The following ZNF100 variants were observed in gnomAD, a reference collection of about 807,000 sequenced individuals.
The protein encoded by ZNF100 is zinc finger protein 100.
In ZNF100, 12 loss-of-function variants were observed where a neutral mutation model predicts 15.8. That is an observed-to-expected ratio of 0.76 (90% CI 0.49 to 1.23). The LOEUF is 1.23. ZNF100 is among the 50% of genes most tolerant of loss of function. The pLI, the probability that ZNF100 is intolerant of heterozygous loss-of-function variation, is 0.00. For synonymous variants in ZNF100, 226 were observed against 214.8 expected (o/e 1.05, Z -0.45); for missense variants, 670 against 635.6 (o/e 1.05, Z -0.58).
intron 2 of ZNF100, among the ~76,000 whole-genome samples, chr19:21,756,461 A>C (rs2036394673): frequency 6.6e-6 from 1 of 150,742 alleles, no homozygotes; most frequent in Non-Finnish European, 1.5e-5. Context: ...CCAAAAGCCA[A>C]ATCAAAAACA....
intron 4 of ZNF100, among the ~76,000 whole-genome samples, chr19:21,732,710 A>C (rs1025841256): frequency 6.6e-6 from 1 of 151,652 alleles, no homozygotes; most frequent in Non-Finnish European, 1.5e-5. Flanking sequence ...CAAGTAGATC[A>C]ATATATTCAT....
At chr19:21,745,349 T>C (rs1372950294) in intron 2 of ZNF100, among the ~76,000 whole-genome samples, 1 of 152,168 alleles carries the variant, frequency 6.6e-6, no homozygotes, top group Non-Finnish European at 1.5e-5. Context: ...CATTTTTGAG[T>C]GTTATTATTT....
rs758886174 is a variant in ZNF100, at chr19:21,726,707, G to C, written c.1605C>G (p.Tyr535Ter). Residue 535 changes from tyrosine to a stop codon, truncating the protein, a stop_gained, in exon 5 of 5, where the codon TAC becomes TAG. Coordinates refer to ENST00000358296, the MANE Select transcript of ZNF100 (RefSeq NM_173531.4). LOFTEE classifies it high-confidence loss of function. ...TTCACATTTGTAGGGTTTCTCTCCA[G>C]TATGAGTTATTTTGTTTAATAAGGC... is the stretch of plus-strand genomic sequence containing the variant. ...SLSLIKQNNS[Y>*]WRETLQM The C allele has an allele frequency of 8.7e-6, 14 of 1,609,378 alleles. 1 individual carries two copies. The highest frequency in any genetic ancestry group is 1.2e-5 in the Non-Finnish European group (14 of 1,178,168).
intron 4 of ZNF100, among the ~76,000 whole-genome samples, chr19:21,739,579 TAAG>T (rs1403678229): frequency 6.6e-6 from 1 of 152,126 alleles, no homozygotes; most frequent in African/African-American, 2.4e-5. Flanking sequence ...CAAATAAATT[TAAG>T]AAGACCAAAA....
chr19:21,732,193 T>G (rs1259180409), intron 4 of ZNF100, among the ~76,000 whole-genome samples: 1 of 152,192 alleles, frequency 6.6e-6, no homozygotes, highest in Admixed American at 6.5e-5. Flanking sequence ...TTGCTAATAT[T>G]TTATGTGTTC....
At chr19:21,733,084 G>A (rs1331736631) in intron 4 of ZNF100, among the ~76,000 whole-genome samples, 1 of 152,108 alleles carries the variant, frequency 6.6e-6, no homozygotes, top group Non-Finnish European at 1.5e-5. Context: ...ATGCTAAAAT[G>A]AGTCCATTAT....
Position 21,724,725 on chromosome 19 carries a change from AC to A in ZNF100, c.*1957del, listed in dbSNP as rs2035744740. On this transcript the variant is annotated 3_prime_UTR_variant, in exon 5 of 5. Transcript: ENST00000358296. ...GCATGAATATATACTCATATTATGT[AC>A]CCCAAATAATTAAGAAAAATAAATT... 3 of 152,124 alleles carry A rather than the reference AC, an allele frequency of 2.0e-5. 1 individual carries two copies. The South Asian group carries it at 6.2e-4, about 32-fold the overall frequency. 9.4% of individuals were successfully genotyped at this position (152,124 alleles called of 1,614,324 possible).
intron 2 of ZNF100, among the ~76,000 whole-genome samples, chr19:21,745,463 T>A (rs892245565): frequency 5.9e-5 from 9 of 152,270 alleles, no homozygotes; most frequent in Admixed American, 1.3e-4. Flanking sequence ...GGAAATCTTG[T>A]GCAGATTTTT....
chr19:21,744,348 T>G (rs928227603), intron 3 of ZNF100, among the ~76,000 whole-genome samples: 1 of 152,200 alleles, frequency 6.6e-6, no homozygotes, highest in African/African-American at 2.4e-5. Context: ...TTTTAAAATA[T>G]GGGCAAATAT....
At position 21,765,680 on chromosome 19, in the gene ZNF100, T is replaced by A; in HGVS notation, c.96+14A>T. On this transcript the variant is annotated intron_variant, in intron 2 of 4. Coordinates refer to ENST00000358296, the MANE Select transcript of ZNF100 (RefSeq NM_173531.4). ...GGGTTGGGTGAAGACAATTTTAATG[T>A]CTCAAGGGGTTACCTTTTCAAAATA... is the stretch of plus-strand genomic sequence containing the variant. 6.2e-7 allele frequency: 1 copy of A among 1,602,260 alleles called. No individual in the cohort carries two copies. The highest frequency in any genetic ancestry group is 1.7e-5 in the Admixed American group (1 of 59,744).
chr19:21,763,156 ATT>A (rs2036507754), intron 2 of ZNF100, among the ~76,000 whole-genome samples: 1 of 152,174 alleles, frequency 6.6e-6, no homozygotes, highest in South Asian at 2.1e-4. Flanking sequence ...AGAGTAAACC[ATT>A]CTTTTATTTC....
At chr19:21,755,222 G>A (rs542244890) in intron 2 of ZNF100, among the ~76,000 whole-genome samples, 5 of 151,898 alleles carry the variant, frequency 3.3e-5, no homozygotes, top group East Asian at 1.9e-4. Context: ...CAGGAGATTC[G>A]CTTGAACCCA....
chr19:21,727,880 C>T lies in ZNF100; in HGVS notation c.432G>A (p.Gln144=), dbSNP rs779241168. 1.2e-6 allele frequency: 2 copies of T among 1,609,074 alleles called. No homozygotes were observed. Among genetic ancestry groups the T allele is most frequent in the East Asian group, 2.2e-5 (1 of 44,812 alleles). ...KYGKYGHDNL[Q]LQKGCKSVDE... ...CCACACTTTTACAGCCTTTTTGTAA[C>T]TGTAAATTGTCATGTCCATATTTTC... The change falls in exon 5 of 5, where the codon CAG becomes CAA. Residue 144 remains glutamine, a synonymous_variant. Transcript: ENST00000358296.
chr19:21,755,456 G>GA (rs1302322541), intron 2 of ZNF100, among the ~76,000 whole-genome samples: 1 of 152,142 alleles, frequency 6.6e-6, no homozygotes. Context: ...AGGCTGTGGA[G>GA]AAATAGTAAC....
In ZNF100 at chr19:21,726,804, T is replaced by C. The variant is rs1249954658; in HGVS notation, c.1508A>G (p.His503Arg). The change falls in exon 5 of 5, where the codon CAT becomes CGT. Residue 503 changes from histidine (H) to arginine (R), a missense_variant. Transcript: ENST00000358296. ...AFNRSSTLTK[H>R]KITHTGEKSY... ...TTTCTCTCCAGTATGAGTTATCTTA[T>C]GTTTAGTAAGGGTTGAGGATCGGTT... The C allele has an allele frequency of 2.5e-6, 4 of 1,613,780 alleles. No individual in the cohort carries two copies. In the Admixed American group the frequency reaches 5.0e-5, roughly 20 times the overall value.
chr19:21,753,293 A>G (rs369664956), intron 2 of ZNF100: 2 of 152,292 alleles, frequency 1.3e-5, no homozygotes, highest in African/African-American at 4.8e-5. Context: ...AAAGAAATGC[A>G]CCGGGCATAG....
In ZNF100 at chr19:21,765,782, T is replaced by A. The variant is rs1261611420; in HGVS notation, c.8A>T (p.Asp3Val). 1 of 1,614,060 alleles carries A rather than the reference T, an allele frequency of 6.2e-7. No individual in the cohort carries two copies. Among genetic ancestry groups the A allele is most frequent in the South Asian group, 1.1e-5 (1 of 91,066 alleles). The change falls in exon 2 of 5, where the codon GAC becomes GTC. Residue 3 changes from aspartate (D) to valine (V), a missense_variant. Asp to Val is a radical substitution (Grantham distance 152). Coordinates refer to ENST00000358296, the MANE Select transcript of ZNF100 (RefSeq NM_173531.4). ...GAGAGGACACATTCCATACCTCGGG[T>A]CATCCTACGGGAGAAAATAAACCAG... MD[D>V]PRYGMCPLKG...
At chr19:21,765,638 T>G in intron 2 of ZNF100, 56 bp downstream of exon 2, 1 of 1,541,732 alleles carries the variant, frequency 6.5e-7, no homozygotes, top group Non-Finnish European at 8.9e-7. Flanking sequence ...GCAACGTGTC[T>G]CCAAGAAATG....
Position 21,723,959 on chromosome 19 carries a change from G to A in ZNF100, c.*2724C>T, listed in dbSNP as rs535258458. On this transcript the variant is annotated 3_prime_UTR_variant, in exon 5 of 5. Transcript: ENST00000358296. ...TAAAATGTAACTTAATACACTAATT[G>A]TGGAATTACATTTAAAAATTTTGTA... 1.3e-5 allele frequency: 2 copies of A among 152,144 alleles called. No individual in the cohort carries two copies. Among genetic ancestry groups the A allele is most frequent in the Non-Finnish European group, 2.9e-5 (2 of 68,024 alleles). 9.4% of individuals were successfully genotyped at this position (152,144 alleles called of 1,614,324 possible).
Sources: gnomAD v4.1 joint callset for allele counts (sites outside exome capture counted in the v4.1 genomes callset) on GRCh38, gnomAD v4.1.1 for gene constraint, MANE v1.5 for transcripts, NCBI Gene and HGNC (gene_info 2026-07-23, HGNC 2026-07-21) for gene names.